Variants in SERPINH1 observed in about 807,000 individuals in gnomAD.
SERPINH1 encodes the protein serpin H1.
Under a neutral mutation model 32.3 loss-of-function variants are expected in SERPINH1, and 22 were observed. The observed-to-expected ratio is 0.68, with a 90% confidence interval of 0.49 to 0.97. The LOEUF is 0.97. SERPINH1 is among the 50% of genes least tolerant of loss of function. The probability of loss-of-function intolerance (pLI) is 0.00; values close to 1 mark genes in which losing one functional copy is unlikely to be tolerated. For synonymous variants in SERPINH1, 251 were observed against 245.9 expected, an observed-to-expected ratio of 1.02 and a Z score of -0.19; for missense variants, 543 against 576.4, an observed-to-expected ratio of 0.94 and a Z score of 0.59.
chr11:75,568,760 A>T lies in SERPINH1; in HGVS notation c.652A>T (p.Met218Leu). ...PHWDEKFHHKMVDNRGFMVTR... is the reference protein window; with the variant it reads ...PHWDEKFHHKLVDNRGFMVTR... ...CTGGGATGAGAAATTCCACCACAAG[A>T]TGGTGGACAACCGTGGCTTCATGGT... The change falls in exon 3 of 5, where the codon ATG becomes TTG. Residue 218 changes from methionine (M) to leucine (L), a missense_variant. Met to Leu is a conservative substitution (Grantham distance 15). This residue lies in a region of SERPINH1 where 427 missense variants were observed against 446.4 expected (regional missense o/e 0.96). Transcript: ENST00000358171. 2 of 1,613,340 alleles carry T rather than the reference A, an allele frequency of 1.2e-6. No individual in the cohort carries two copies. Among genetic ancestry groups the T allele is most frequent in the Non-Finnish European group, 1.7e-6 (2 of 1,179,716 alleles).
rs749386696 is a variant in SERPINH1 at position 75,566,801 on chromosome 11, A to G, written c.452A>G (p.Lys151Arg). ...GCTGATGACTTCGTGCGCAGCAGCA[A>G]GCAGCACTACAACTGCGAGCACTCC... Reference protein sequence around the residue: ...SFADDFVRSSKQHYNCEHSKI... With the variant: ...SFADDFVRSSRQHYNCEHSKI... Residue 151 changes from lysine (K) to arginine (R), a missense_variant, in exon 2 of 5, where the codon AAG (lysine) becomes AGG (arginine). Around this residue, in one of 3 missense-constraint regions of SERPINH1, gnomAD observed 427 missense variants for 446.4 expected, o/e 0.96. Coordinates refer to ENST00000358171, the MANE Select transcript of SERPINH1 (RefSeq NM_001235.5). 6.2e-7 allele frequency: 1 copy of G among 1,613,268 alleles called. No individual in the cohort carries two copies. The highest frequency in any genetic ancestry group is 8.5e-7 in the Non-Finnish European group (1 of 1,179,972).
chr11:75,569,392 C>G (rs1942158212), intron 4 of SERPINH1: 1 of 577,914 alleles, frequency 1.7e-6, no homozygotes, highest in Non-Finnish European at 3.1e-6. Context: ...TTCCTGTATG[C>G]TAGGCGTTCT....
chr11:75,568,255 C>T, intron 2 of SERPINH1: 1 of 225,396 alleles, frequency 4.4e-6, no homozygotes, highest in Non-Finnish European at 9.0e-6. Context: ...TACCACTGCA[C>T]TCCAGCTGTA....
At chr11:75,568,402 T>C (rs646474) in intron 2 of SERPINH1, 182,590 of 410,126 alleles carry the variant, frequency 0.45, 45,139 homozygotes, top group Non-Finnish European at 0.55. Context: ...TCAGAGCATG[T>C]TTCCAAAATA....
At chr11:75,563,148 C>T (rs1942008668) in intron 1 of SERPINH1, 1 of 152,258 alleles carries the variant, frequency 6.6e-6, no homozygotes, top group South Asian at 2.1e-4. Flanking sequence ...CTTCCAGAGG[C>T]TGGGGTTCCC....
chr11:75,571,944 G>A lies in SERPINH1; in HGVS notation c.1118G>A (p.Arg373His), dbSNP rs774719472. ...GNPFDQDIYG[R>H]EELRSPKLFY... ...CCCTTTGACCAGGACATCTACGGGC[G>A]CGAGGAGCTGCGCAGCCCCAAGCTG... Residue 373 changes from arginine (R) to histidine (H), a missense_variant, in exon 5 of 5, where the codon CGC (arginine) becomes CAC (histidine). Physicochemically the swap from Arg to His is conservative, Grantham distance 29. Transcript: ENST00000358171. 23 of 1,614,104 alleles carry A rather than the reference G, an allele frequency of 1.4e-5. No individual in the cohort carries two copies. Among genetic ancestry groups the A allele is most frequent in the African/African-American group, 5.3e-5 (4 of 74,940 alleles).
chr11:75,567,044 G>A (rs1054800171), intron 2 of SERPINH1, 73 bp downstream of exon 2: 22 of 1,485,900 alleles, frequency 1.5e-5, no homozygotes, highest in South Asian at 2.5e-5. Flanking sequence ...ACGACATTCC[G>A]TGCGCTCCAT....
chr11:75,567,015 AC>A lies in SERPINH1; in HGVS notation c.622+49del. 3 of 1,579,072 alleles carry A rather than the reference AC, an allele frequency of 1.9e-6. No individual in the cohort carries two copies. The South Asian group carries it at 3.4e-5, about 18-fold the overall frequency. ...CAGGGGTCCTCCTCCTCCTCCCAGG[AC>A]CCCCTGCAAGAGTTAGGACGACATT... On this transcript the variant is annotated intron_variant, in intron 2 of 4. Transcript: ENST00000358171.
intron 2 of SERPINH1, 79 bp from the exon 3 acceptor site, chr11:75,568,652 A>C (rs1942135663): frequency 3.3e-6 from 3 of 915,476 alleles, no homozygotes; most frequent in Non-Finnish European, 5.4e-6. Context: ...CAAGGTCTGC[A>C]GCCGGGGGTG....
chr11:75,568,910 G>C (rs763351865), intron 3 of SERPINH1, 29 bp from the exon 4 acceptor site: 3 of 1,599,978 alleles, frequency 1.9e-6, no homozygotes, highest in Middle Eastern at 1.7e-4. Context: ...CACACAGGGT[G>C]CCCAGTGTCC....
Position 75,566,626 on chromosome 11 carries a change from G to T in SERPINH1, c.277G>T (p.Ala93Ser), listed in dbSNP as rs1319259821. The T allele has an allele frequency of 4.4e-6, 7 of 1,608,056 alleles. No individual in the cohort carries two copies. The highest frequency in any genetic ancestry group is 5.9e-6 in the Non-Finnish European group (7 of 1,179,008). Residue 93 changes from alanine (A) to serine (S), a missense_variant, in exon 2 of 5, where the codon GCC becomes TCC. By Grantham distance (99) the Ala-to-Ser change is moderately conservative. Transcript: ENST00000358171. ...LGGKATTASQ[A>S]KAVLSAEQLR... Reference sequence around the variant, plus strand: ...CGGCAAGGCGACCACGGCGTCGCAGGCCAAGGCAGTGCTGAGCGCCGAGCA... The same window carrying T: ...CGGCAAGGCGACCACGGCGTCGCAGTCCAAGGCAGTGCTGAGCGCCGAGCA...
intron 1 of SERPINH1, chr11:75,562,819 AG>A (rs1191565497): frequency 6.6e-6 from 1 of 152,228 alleles, no homozygotes; most frequent in African/African-American, 2.4e-5. Flanking sequence ...GCCTCCTCAC[AG>A]GCTTGCTGAG....
chr11:75,568,855 C>G, intron 3 of SERPINH1, 26 bp downstream of exon 3: 1 of 1,607,570 alleles, frequency 6.2e-7, no homozygotes, highest in Non-Finnish European at 8.5e-7. Flanking sequence ...AGCAGGGTGT[C>G]AAGGTGGGTG....
intron 4 of SERPINH1, 85 bp from the exon 5 acceptor site, chr11:75,571,696 G>C: frequency 7.7e-7 from 1 of 1,305,706 alleles, no homozygotes; most frequent in Non-Finnish European, 1.1e-6. Context: ...CTGAGGAGCG[G>C]TCAGGGTAGT....
chr11:75,564,291 C>T (rs1942035789), intron 1 of SERPINH1, among the ~76,000 whole-genome samples: 1 of 152,216 alleles, frequency 6.6e-6, no homozygotes, highest in Non-Finnish European at 1.5e-5. Context: ...AATCCCAAAC[C>T]AGTTATTTGG....
rs1565241690 is a variant in SERPINH1 at position 75,566,702 on chromosome 11, T to C, written c.353T>C (p.Leu118Pro). The change falls in exon 2 of 5, where the codon CTC becomes CCC. Residue 118 changes from leucine (L) to proline (P), a missense_variant. Transcript: ENST00000358171. ...GGCCTGGGCGAGCTGCTGCGCTCAC[T>C]CAGCAACTCCACGGCGCGCAACGTG... Reference protein sequence around the residue: ...HAGLGELLRSLSNSTARNVTW... With the variant: ...HAGLGELLRSPSNSTARNVTW... 6.2e-7 allele frequency: 1 copy of C among 1,611,434 alleles called. No homozygotes were observed. Among genetic ancestry groups the C allele is most frequent in the Admixed American group, 1.7e-5 (1 of 59,758 alleles).
intron 1 of SERPINH1, among the ~76,000 whole-genome samples, chr11:75,565,039 G>T (rs530601539): frequency 1.3e-5 from 2 of 152,354 alleles, no homozygotes; most frequent in Admixed American, 1.3e-4. Context: ...CCTTTGCCCT[G>T]TCATCTCTCC....
intron 2 of SERPINH1, 83 bp from the exon 3 acceptor site, chr11:75,568,648 C>A (rs1360487119): frequency 4.5e-6 from 4 of 881,430 alleles, no homozygotes; most frequent in Non-Finnish European, 5.7e-6. Flanking sequence ...AAATCAAGGT[C>A]TGCAGCCGGG....
At chr11:75,569,213 CA>C (rs1201891202) in intron 4 of SERPINH1, 42 bp downstream of exon 4, 1 of 1,465,886 alleles carries the variant, frequency 6.8e-7, no homozygotes, top group Non-Finnish European at 9.4e-7. Context: ...GCCTTGGAGC[CA>C]GGGGGAGGTG....
Sources: allele counts gnomAD v4.1 joint callset (sites outside exome capture counted in the v4.1 genomes callset), GRCh38; gene constraint gnomAD v4.1.1; regional missense constraint gnomAD v4.1.1; transcripts MANE v1.5; gene names NCBI Gene and HGNC (gene_info 2026-07-23, HGNC 2026-07-21).